The following RIMS1 variants were observed in gnomAD, a reference collection of about 807,000 sequenced individuals.
RIMS1 encodes regulating synaptic membrane exocytosis protein 1.
A neutral mutation model predicts 214.1 loss-of-function variants in RIMS1; 83 were observed. The ratio of observed to expected loss-of-function variants is 0.39; its 90% CI spans 0.32 to 0.47. The LOEUF (loss-of-function observed/expected upper bound fraction) is 0.47, where lower values mean the gene tolerates loss of function less well. Ranked by LOEUF, RIMS1 falls within the 20% of genes least tolerant of loss-of-function variation. RIMS1 has a pLI of 0.99. For missense variants in RIMS1, 2,050 were observed against 2,161.8 expected (o/e 0.95, Z 1.03); for synonymous variants, 793 against 786.8 (o/e 1.01, Z -0.13).
chr6:71,930,173 A>G (rs1316655207), intron 1 of RIMS1, among the ~76,000 whole-genome samples: 1 of 152,058 alleles, frequency 6.6e-6, no homozygotes, highest in African/African-American at 2.4e-5. Flanking sequence ...GTTTCTACCA[A>G]TACTATTTCT....
intron 1 of RIMS1, among the ~76,000 whole-genome samples, chr6:71,941,949 A>G (rs1786284905): frequency 6.6e-6 from 1 of 152,190 alleles, no homozygotes; most frequent in South Asian, 2.1e-4. Flanking sequence ...CTTTTCTGCC[A>G]GTTGACAGCT....
chr6:71,901,484 A>G (rs1773588358), intron 1 of RIMS1, among the ~76,000 whole-genome samples: 1 of 152,120 alleles, frequency 6.6e-6, no homozygotes, highest in Non-Finnish European at 1.5e-5. Context: ...TCTCAAAAAC[A>G]TTATGGTAGA....
intron 1 of RIMS1, among the ~76,000 whole-genome samples, chr6:71,892,009 G>C (rs1770042885): frequency 6.6e-6 from 1 of 152,110 alleles, no homozygotes; most frequent in Non-Finnish European, 1.5e-5. Context: ...TTGTCCTCAT[G>C]GGCTGTTTTC....
chr6:72,219,412 C>T (rs2057567854), intron 6 of RIMS1, among the ~76,000 whole-genome samples: 1 of 152,004 alleles, frequency 6.6e-6, no homozygotes, highest in Non-Finnish European at 1.5e-5. Flanking sequence ...ATGAGTGGGT[C>T]AATTACTTGC....
At chr6:71,970,930 T>C (rs1229659558) in intron 2 of RIMS1, among the ~76,000 whole-genome samples, 1 of 152,222 alleles carries the variant, frequency 6.6e-6, no homozygotes, top group African/African-American at 2.4e-5. Context: ...GGACAGGCTT[T>C]AGCTTATAGA....
chr6:72,271,544 A>G (rs1216396103), intron 22 of RIMS1, among the ~76,000 whole-genome samples: 1 of 151,950 alleles, frequency 6.6e-6, no homozygotes, highest in Non-Finnish European at 1.5e-5. Flanking sequence ...CTTCTTAGCC[A>G]TGTTCTGCCA....
At position 72,321,442 on chromosome 6, in the gene RIMS1, G is replaced by A. The variant is rs151298066; in HGVS notation, c.4130+7770G>A. On this transcript the variant is annotated intron_variant, in intron 28 of 33. Coordinates refer to ENST00000521978, the MANE Select transcript of RIMS1 (RefSeq NM_014989.7). ...ATAGATTAGAAATACATGAGCAGATGTATTCTTAACTGGTTACTTGTAAAA... is the reference window on the plus strand; with the variant it reads ...ATAGATTAGAAATACATGAGCAGATATATTCTTAACTGGTTACTTGTAAAA... Among the ~76,000 whole-genome samples the A allele has an allele frequency of 1.2e-3, 184 of 152,210 alleles. 1 individual carries two copies. The highest frequency in any genetic ancestry group is 1.5e-4 in the Non-Finnish European group (10 of 67,972).
rs142637135 is a variant in RIMS1 at position 71,923,990 on chromosome 6, T to C, written c.164+36803T>C. Among the ~76,000 whole-genome samples the C allele has an allele frequency of 7.0e-4, 106 of 152,366 alleles. 2 individuals are homozygous for C. The East Asian group carries it at 0.017, about 24-fold the overall frequency. On this transcript the variant is annotated intron_variant, in intron 1 of 33. Coordinates refer to ENST00000521978, the MANE Select transcript of RIMS1 (RefSeq NM_014989.7). ...GTAATTAGCTAATCATGTTATACAT[T>C]TTCCCTGAAAGATCTTAGTAAACTA...
chr6:72,090,662 G>C (rs79458950), intron 2 of RIMS1, among the ~76,000 whole-genome samples: 1,636 of 152,220 alleles, frequency 0.011, 27 homozygotes, highest in African/African-American at 0.037. Context: ...ATGACTTACT[G>C]TCCTTCTTTG....
At chr6:72,394,497 C>T (rs2098750926) in intron 31 of RIMS1, among the ~76,000 whole-genome samples, 1 of 151,636 alleles carries the variant, frequency 6.6e-6, no homozygotes, top group East Asian at 1.9e-4. Flanking sequence ...AAATTGAAGT[C>T]AATAATAATA....
chr6:72,254,048 T>A (rs2074683939), intron 16 of RIMS1, among the ~76,000 whole-genome samples: 1 of 152,008 alleles, frequency 6.6e-6, no homozygotes, highest in African/African-American at 2.4e-5. Flanking sequence ...ATATTTTTAG[T>A]AGAGACTGGA....
At chr6:72,338,620 C>T (rs2096930670) in intron 29 of RIMS1, among the ~76,000 whole-genome samples, 3 of 151,818 alleles carry the variant, frequency 2.0e-5, no homozygotes, top group Admixed American at 6.6e-5. Context: ...AACAAATTTA[C>T]AAGAAAAAAA....
At chr6:72,306,269 A>G (rs2095154129) in intron 26 of RIMS1, among the ~76,000 whole-genome samples, 1 of 152,098 alleles carries the variant, frequency 6.6e-6, no homozygotes, top group Non-Finnish European at 1.5e-5. Context: ...ACACACACAC[A>G]CAGCCCTACA....
chr6:72,122,186 G>T (rs1165976897), intron 4 of RIMS1, among the ~76,000 whole-genome samples: 1 of 148,486 alleles, frequency 6.7e-6, no homozygotes, highest in African/African-American at 2.5e-5. Flanking sequence ...AGTTAGGGAG[G>T]ATTCCCTCTT....
chr6:72,079,436 A>G (rs1240411083), intron 2 of RIMS1, among the ~76,000 whole-genome samples: 1 of 152,192 alleles, frequency 6.6e-6, no homozygotes, highest in African/African-American at 2.4e-5. Flanking sequence ...TTTTTTAACT[A>G]TGAGATAATA....
At chr6:72,137,767 T>C (rs2041524051) in intron 4 of RIMS1, among the ~76,000 whole-genome samples, 1 of 149,302 alleles carries the variant, frequency 6.7e-6, no homozygotes. Flanking sequence ...GATGGAGTCT[T>C]GCTCTGTCGC....
intron 29 of RIMS1, among the ~76,000 whole-genome samples, chr6:72,369,874 A>G (rs1287442038): frequency 6.6e-6 from 1 of 152,250 alleles, no homozygotes; most frequent in Non-Finnish European, 1.5e-5. Context: ...CATGAAAGCT[A>G]TGGAGATTAG....
chr6:72,142,437 T>C (rs894941018), intron 4 of RIMS1, among the ~76,000 whole-genome samples: 2 of 152,080 alleles, frequency 1.3e-5, no homozygotes, highest in Non-Finnish European at 2.9e-5. Flanking sequence ...GGTTAGATGG[T>C]AAATTCCTTG....
chr6:72,382,811 C>T lies in RIMS1; in HGVS notation c.4367-7787C>T, dbSNP rs529229292. 2.6e-5 allele frequency among the ~76,000 whole-genome samples: 4 copies of T among 152,282 alleles called. No individual in the cohort carries two copies. The East Asian group carries it at 5.8e-4, about 22-fold the overall frequency. On this transcript the variant is annotated intron_variant, in intron 29 of 33. Transcript: ENST00000521978. Reference sequence around the variant, plus strand: ...GCTTGAAATACAACTATACAATTCCCTTCCACCCTGCCTCCATCCGTCCTC... The same window carrying T: ...GCTTGAAATACAACTATACAATTCCTTTCCACCCTGCCTCCATCCGTCCTC...
Sources: gnomAD v4.1 joint callset for allele counts (sites outside exome capture counted in the v4.1 genomes callset) on GRCh38, gnomAD v4.1.1 for gene constraint, MANE v1.5 for transcripts, NCBI Gene and HGNC (gene_info 2026-07-23, HGNC 2026-07-21) for gene names.